The following RAD51D variants were observed in gnomAD, a reference collection of about 807,000 sequenced individuals.
The protein encoded by RAD51D is RAD51 paralog D, also known as DNA repair protein RAD51 homolog 4.
Under a neutral mutation model 44.1 loss-of-function variants are expected in RAD51D, and 38 were observed. The ratio of observed to expected loss-of-function variants is 0.86; its 90% CI spans 0.67 to 1.13. The LOEUF (loss-of-function observed/expected upper bound fraction) is 1.13, where lower values mean the gene tolerates loss of function less well. Ranked by LOEUF, RAD51D falls within the 50% of genes most tolerant of loss-of-function variation. The pLI, the probability that RAD51D is intolerant of heterozygous loss-of-function variation, is 0.00. For missense variants in RAD51D, 390 were observed against 414.0 expected (o/e 0.94, Z 0.50); for synonymous variants, 141 against 166.6 (o/e 0.85, Z 1.18).
intron 3 of RAD51D, among the ~76,000 whole-genome samples, chr17:35,111,074 CT>C (rs1270655634): frequency 2.5e-4 from 35 of 138,476 alleles, no homozygotes; most frequent in East Asian, 1.1e-3. Context: ...GCACTCCAGT[CT>C]GGGCAAAAAG....
intron 3 of RAD51D, among the ~76,000 whole-genome samples, chr17:35,111,204 C>A (rs113329606): frequency 5.3e-5 from 8 of 151,878 alleles, no homozygotes; most frequent in South Asian, 2.1e-4. Context: ...CATGGAGAAA[C>A]CCCGTCTCTA....
In RAD51D at chr17:35,106,951, G is replaced by A. The variant is rs1486256849; in HGVS notation, c.480+37C>T. The A allele has an allele frequency of 7.4e-6, 12 of 1,614,034 alleles. No individual in the cohort carries two copies. In the South Asian group the frequency reaches 8.8e-5, roughly 12 times the overall value. ...TTAAGGGATAATGGGGTTTTCCTGT[G>A]TCAGAATCTCAATGGAACCCAGCAT... On this transcript the variant is annotated intron_variant, in intron 5 of 9. Transcript: ENST00000345365.
intron 3 of RAD51D, among the ~76,000 whole-genome samples, chr17:35,113,202 G>A (rs2091697995): frequency 6.6e-6 from 1 of 152,164 alleles, no homozygotes; most frequent in African/African-American, 2.4e-5. Context: ...CAGTCCTTGA[G>A]ATGGTTCTTG....
At chr17:35,116,281 C>T (rs2091745239) in intron 3 of RAD51D, among the ~76,000 whole-genome samples, 2 of 152,196 alleles carry the variant, frequency 1.3e-5, no homozygotes, top group Admixed American at 6.5e-5. Context: ...CTCTACCCCA[C>T]TGTCTATAAC....
rs28363284 is a variant in RAD51D, at chr17:35,103,294, T to C, written c.698A>G (p.Glu233Gly). 0.017 allele frequency: 27,113 copies of C among 1,611,638 alleles called. 297 individuals carry two copies. Among genetic ancestry groups the C allele is most frequent in the Non-Finnish European group, 0.021 (24,903 of 1,179,112 alleles). The change falls in exon 8 of 10, where the codon GAG becomes GGG. Residue 233 changes from glutamate (E) to glycine (G), a missense_variant. Transcript: ENST00000345365. The surrounding 1 kb of genome is among the most constrained non-coding windows in gnomAD (Gnocchi z 4.1). ...GLALMMQLAR[E>G]LKTLARDLGM... is the part of the protein sequence containing the mutation. ...AAGGTCCCGGGCCAGGGTCTTCAGC[T>C]CTCGGGCCAGCTGCATCATCAAGGC...
At chr17:35,101,645 G>A (rs2142413692) in intron 8 of RAD51D, among the ~76,000 whole-genome samples, 1 of 152,308 alleles carries the variant, frequency 6.6e-6, no homozygotes. Flanking sequence ...TTGAGCTCAT[G>A]CAGTCCGCCA....
At position 35,100,887 on chromosome 17, in the gene RAD51D, C is replaced by T. The variant is rs570462507; in HGVS notation, c.*66G>A. 8.6e-5 allele frequency: 115 copies of T among 1,336,172 alleles called. No individual in the cohort carries two copies. Among genetic ancestry groups the T allele is most frequent in the Middle Eastern group, 7.0e-4 (3 of 4,316 alleles). The allele number at this position is 1,336,172 out of a possible 1,614,324, so 82.8% of individuals were successfully genotyped here. ...GTGCCAGGTGGCAGTAAACAGCAGGCGTTACTGGGAAGAAAAGTTGGGAGG... is the reference window on the plus strand; with the variant it reads ...GTGCCAGGTGGCAGTAAACAGCAGGTGTTACTGGGAAGAAAAGTTGGGAGG... On this transcript the variant is annotated 3_prime_UTR_variant, in exon 10 of 10. Transcript: ENST00000345365.
intron 6 of RAD51D, among the ~76,000 whole-genome samples, chr17:35,105,247 A>G (rs776022302): frequency 6.6e-6 from 1 of 152,182 alleles, no homozygotes; most frequent in Non-Finnish European, 1.5e-5. Flanking sequence ...TGTCTCAACA[A>G]GCTGGTGGGT....
chr17:35,103,606 A>C lies in RAD51D; in HGVS notation c.577-62T>G. On this transcript the variant is annotated intron_variant, in intron 6 of 9. Transcript: ENST00000345365. The surrounding 1 kb of genome is among the most constrained non-coding windows in gnomAD (Gnocchi z 4.1). The stretch of plus-strand genomic sequence containing the variant: ...AGCCTCTAGGACACATTACAGGACA[A>C]GCTTGCTTTTCTATCTAAAACTAGT... The C allele has an allele frequency of 7.4e-7, 1 of 1,348,544 alleles. No homozygotes were observed. The highest frequency in any genetic ancestry group is 1.2e-5 in the South Asian group (1 of 84,456). 83.5% of individuals were successfully genotyped at this position (1,348,544 alleles called of 1,614,324 possible).
Position 35,097,121 on chromosome 17 carries a change from CATATAT to C in RAD51D, c.*3826_*3831del, listed in dbSNP as rs1215427187. 7.5e-6 allele frequency: 1 copy of C among 133,428 alleles called. No homozygotes were observed. The highest frequency in any genetic ancestry group is 1.7e-5 in the Non-Finnish European group (1 of 60,414). 8.3% of individuals were successfully genotyped at this position (133,428 alleles called of 1,614,324 possible). ...GGGGACTCAATGATGTGGGTGTGAA[CATATAT>C]ATATATTTTTTAGATGGAGTCTCAC... On this transcript the variant is annotated 3_prime_UTR_variant, in exon 10 of 10. Transcript: ENST00000345365.
rs1456702167 is a variant in RAD51D at position 35,118,010 on chromosome 17, T to TATGTG, written c.263+490_263+491insCACAT. Among the ~76,000 whole-genome samples the TATGTG allele has an allele frequency of 4.6e-5, 7 of 152,336 alleles. No homozygotes were observed. The South Asian group carries it at 1.4e-3, about 32-fold the overall frequency. ...GGTAATGCCTGCACATAGTAGGCAC[T>TATGTG]CAGTAAATGTTCTCTCTTGCCATAT... On this transcript the variant is annotated intron_variant, in intron 3 of 9. Coordinates refer to ENST00000345365, the MANE Select transcript of RAD51D (RefSeq NM_002878.4).
intron 3 of RAD51D, 56 bp downstream of exon 3, chr17:35,118,445 G>A (rs1019993235): frequency 2.8e-6 from 4 of 1,445,286 alleles, no homozygotes; most frequent in Admixed American, 1.7e-5. Context: ...AAGCAGAGCT[G>A]AGAGGAGGCC....
rs2091492750 is a variant in RAD51D, at chr17:35,097,302, T to C, written c.*3651A>G. 6.6e-6 allele frequency: 1 copy of C among 151,980 alleles called. No homozygotes were observed. The highest frequency in any genetic ancestry group is 1.5e-5 in the Non-Finnish European group (1 of 68,010). The allele number at this position is 151,980 out of a possible 1,614,324, so 9.4% of individuals were successfully genotyped here. On this transcript the variant is annotated 3_prime_UTR_variant, in exon 10 of 10. Transcript: ENST00000345365. ...ACCCAGCTAATTTTTGTATTTTTAG[T>C]AGAGACAGGGTTTCACTATATAGGC...
rs2091476850 is a variant in RAD51D, at chr17:35,094,756, C to T, written c.*6197G>A. 1 of 152,222 alleles carries T rather than the reference C, an allele frequency of 6.6e-6. No individual in the cohort carries two copies. 9.4% of individuals were successfully genotyped at this position (152,222 alleles called of 1,614,324 possible). A position where few individuals can be genotyped will look rare whatever the true frequency, so the allele number is the denominator to read the frequency against. ...CACTTATTAGCTTTATGTCCTTAAC[C>T]TCACTGAGATCCCATTTACTGTCTA... On this transcript the variant is annotated 3_prime_UTR_variant, in exon 10 of 10. Transcript: ENST00000345365.
chr17:35,117,683 T>C (rs1023768228), intron 3 of RAD51D, among the ~76,000 whole-genome samples: 1 of 151,972 alleles, frequency 6.6e-6, no homozygotes, highest in African/African-American at 2.4e-5. Flanking sequence ...AGAGACGGGG[T>C]TTCATCATTT....
intron 3 of RAD51D, chr17:35,113,683 C>G: frequency 3.8e-6 from 1 of 266,270 alleles, no homozygotes; most frequent in Non-Finnish European, 7.8e-6. Flanking sequence ...TGTGCTCACC[C>G]CATCTCTGTT....
rs786201960 is a variant in RAD51D at position 35,106,432 on chromosome 17, T to A, written c.530A>T (p.Gln177Leu). 6.2e-7 allele frequency: 1 copy of A among 1,613,418 alleles called. No individual in the cohort carries two copies. The highest frequency in any genetic ancestry group is 1.7e-4 in the Middle Eastern group (1 of 6,060). ...GAGCTCCTGCAGCACATCCAGCATCTGGAAGATGTCAAATGCATGCACCAC... is the reference window on the plus strand; with the variant it reads ...GAGCTCCTGCAGCACATCCAGCATCAGGAAGATGTCAAATGCATGCACCAC... The part of the protein sequence containing the change: ...IQVVHAFDIF[Q>L]MLDVLQELRG... The change falls in exon 6 of 10, where the codon CAG becomes CTG. Residue 177 changes from glutamine (Q) to leucine (L), a missense_variant. Physicochemically the swap from Gln to Leu is moderately radical, Grantham distance 113. Transcript: ENST00000345365.
chr17:35,101,008 A>T lies in RAD51D; in HGVS notation c.932T>A (p.Ile311Asn), dbSNP rs145309168. Residue 311 changes from isoleucine to asparagine, a missense_variant, in exon 10 of 10, where the codon ATT (isoleucine) becomes AAT (asparagine). Physicochemically the swap from Ile to Asn is moderately radical, Grantham distance 149. Transcript: ENST00000345365. ...QPTGFQEMVDIGTWGTSEQSA... is the reference protein window; with the variant it reads ...QPTGFQEMVDNGTWGTSEQSA... ...CTGCTCTGAGGTCCCCCAGGTCCCA[A>T]TGTCTACCATCTCCTGGAAACCTGT... The T allele has an allele frequency of 1.9e-4, 299 of 1,613,870 alleles. 3 individuals carry two copies. In the East Asian group the frequency reaches 3.3e-3, roughly 18 times the overall value.
chr17:35,110,337 A>G (rs1369900787), intron 3 of RAD51D, among the ~76,000 whole-genome samples: 4 of 152,124 alleles, frequency 2.6e-5, no homozygotes, highest in Admixed American at 6.6e-5. Context: ...CATTCTAGAT[A>G]CAAGTCCTTT....
Sources: gnomAD v4.1 joint callset for allele counts (sites outside exome capture counted in the v4.1 genomes callset) on GRCh38, gnomAD v4.1.1 for gene constraint, Gnocchi (gnomAD v3.1) non-coding constraint, MANE v1.5 for transcripts, NCBI Gene and HGNC (gene_info 2026-07-23, HGNC 2026-07-21) for gene names.